The following TBCA variants were observed in gnomAD, a reference collection of about 807,000 sequenced individuals.
TBCA encodes the protein tubulin-specific chaperone A.
TBCA carries 6 observed loss-of-function variants against 15.8 expected under a neutral mutation model. That is an observed-to-expected ratio of 0.38 (90% CI 0.21 to 0.75). TBCA has a LOEUF of 0.75. Among genes scored for constraint, TBCA ranks in the 30% least tolerant of loss-of-function variants. TBCA has a pLI of 0.46. For synonymous variants in TBCA, 32 were observed against 42.3 expected (o/e 0.76, Z 0.94); for missense variants, 90 against 131.2 (o/e 0.69, Z 1.53).
At chr5:77,738,914 T>C (rs1394623389) in intron 1 of TBCA, among the ~76,000 whole-genome samples, 1 of 152,156 alleles carries the variant, frequency 6.6e-6, no homozygotes, top group African/African-American at 2.4e-5. Flanking sequence ...CAGGACTGTT[T>C]CCAAACTGCT....
chr5:77,744,145 TG>T (rs1289165210), intron 1 of TBCA, among the ~76,000 whole-genome samples: 1 of 152,176 alleles, frequency 6.6e-6, no homozygotes, highest in Non-Finnish European at 1.5e-5. Flanking sequence ...CTCATACCTA[TG>T]GTTCTATCTA....
chr5:77,759,182 C>T (rs1161566633), intron 1 of TBCA, among the ~76,000 whole-genome samples: 2 of 152,070 alleles, frequency 1.3e-5, no homozygotes, highest in Non-Finnish European at 2.9e-5. Context: ...AAGGGCAGGA[C>T]AAATCAAAGA....
At chr5:77,772,225 G>T (rs944137801) in intron 1 of TBCA, among the ~76,000 whole-genome samples, 1 of 152,084 alleles carries the variant, frequency 6.6e-6, no homozygotes. Context: ...CATGAAAAAT[G>T]TTCAACTTAT....
chr5:77,768,880 T>A (rs527727002), intron 1 of TBCA, among the ~76,000 whole-genome samples: 1 of 152,214 alleles, frequency 6.6e-6, no homozygotes, highest in Non-Finnish European at 1.5e-5. Flanking sequence ...TAGACTGCCA[T>A]TATTAATAAA....
intron 1 of TBCA, among the ~76,000 whole-genome samples, chr5:77,723,676 CA>C (rs1315460198): frequency 1.3e-5 from 2 of 152,006 alleles, no homozygotes; most frequent in Non-Finnish European, 1.5e-5. Flanking sequence ...CCAGGCACTG[CA>C]AGGTCCTTTA....
At chr5:77,767,582 G>A (rs745631872) in intron 1 of TBCA, among the ~76,000 whole-genome samples, 2 of 152,146 alleles carry the variant, frequency 1.3e-5, no homozygotes, top group Non-Finnish European at 2.9e-5. Context: ...TGGGGGTAGG[G>A]AATCACTGCT....
chr5:77,756,286 C>T (rs1188305933), intron 1 of TBCA, among the ~76,000 whole-genome samples: 1 of 152,104 alleles, frequency 6.6e-6, no homozygotes, highest in Non-Finnish European at 1.5e-5. Flanking sequence ...TGACCAGCTC[C>T]TATATGCATT....
intron 1 of TBCA, among the ~76,000 whole-genome samples, chr5:77,711,420 A>G (rs1295438746): frequency 6.6e-6 from 1 of 152,126 alleles, no homozygotes; most frequent in Non-Finnish European, 1.5e-5. Context: ...TTAACACACT[A>G]CACCGAAGCC....
intron 1 of TBCA, among the ~76,000 whole-genome samples, chr5:77,749,662 A>G (rs1747271736): frequency 6.6e-6 from 1 of 152,196 alleles, no homozygotes; most frequent in African/African-American, 2.4e-5. Context: ...AATATCTCTC[A>G]ATACGTAAAA....
chr5:77,761,421 CAG>C (rs999080565), intron 1 of TBCA, among the ~76,000 whole-genome samples: 50 of 152,226 alleles, frequency 3.3e-4, no homozygotes, highest in African/African-American at 1.1e-3. Context: ...CTTTGTTAAA[CAG>C]ATGCTTGAAG....
At chr5:77,714,003 T>C (rs1454565535) in intron 1 of TBCA, among the ~76,000 whole-genome samples, 2 of 111,110 alleles carry the variant, frequency 1.8e-5, no homozygotes, top group African/African-American at 3.3e-5. Context: ...ACAGAATCCA[T>C]TGAAAAAAAA....
intron 1 of TBCA, among the ~76,000 whole-genome samples, chr5:77,758,383 C>T (rs1204047408): frequency 6.6e-6 from 1 of 152,172 alleles, no homozygotes; most frequent in Non-Finnish European, 1.5e-5. Flanking sequence ...TTGAAACTCC[C>T]TGTTCTGTTC....
intron 1 of TBCA, among the ~76,000 whole-genome samples, chr5:77,727,487 C>A (rs7724072): frequency 6.6e-6 from 1 of 151,786 alleles, no homozygotes; most frequent in African/African-American, 2.4e-5. Context: ...GAAATGAGTA[C>A]GAGAACAATA....
chr5:77,707,932 T>C (rs970536955), intron 2 of TBCA, among the ~76,000 whole-genome samples: 9 of 152,222 alleles, frequency 5.9e-5, no homozygotes, highest in Middle Eastern at 6.8e-3. Context: ...GGTGGGAGAA[T>C]TGCTTGAGCC....
At chr5:77,693,116 C>T (rs1483961856) in intron 3 of TBCA, 150 bp downstream of exon 3, 1 of 1,493,480 alleles carries the variant, frequency 6.7e-7, no homozygotes, top group Non-Finnish European at 8.8e-7. Flanking sequence ...ATTTAAACTC[C>T]ATTAATTATT....
chr5:77,758,722 G>T (rs1177036584), intron 1 of TBCA, among the ~76,000 whole-genome samples: 1 of 152,172 alleles, frequency 6.6e-6, no homozygotes, highest in Non-Finnish European at 1.5e-5. Context: ...AGCATGCACA[G>T]TGTGTTTAGG....
chr5:77,730,127 G>C (rs989604144), intron 1 of TBCA, among the ~76,000 whole-genome samples: 1 of 152,158 alleles, frequency 6.6e-6, no homozygotes, highest in African/African-American at 2.4e-5. Context: ...CGTTGTATTG[G>C]ATTGAATGTT....
chr5:77,774,479 A>T (rs1035181436), intron 1 of TBCA, among the ~76,000 whole-genome samples: 7 of 152,012 alleles, frequency 4.6e-5, no homozygotes, highest in Non-Finnish European at 1.0e-4. Flanking sequence ...GATCTCCACA[A>T]CCCCTTTATT....
At chr5:77,767,172 A>G (rs547822802) in intron 1 of TBCA, among the ~76,000 whole-genome samples, 1 of 152,248 alleles carries the variant, frequency 6.6e-6, no homozygotes, top group Non-Finnish European at 1.5e-5. Flanking sequence ...TTCAGGCAAC[A>G]AATGATTTAT....
Sources: allele counts gnomAD v4.1 joint callset (sites outside exome capture counted in the v4.1 genomes callset), GRCh38; gene constraint gnomAD v4.1.1; transcripts MANE v1.5; gene names NCBI Gene and HGNC (gene_info 2026-07-23, HGNC 2026-07-21).